Variants in DNM3 observed in about 807,000 individuals in gnomAD.
The protein encoded by DNM3 is dynamin-3.
In DNM3, 47 loss-of-function variants were observed where a neutral mutation model predicts 101.6. The ratio of observed to expected loss-of-function variants is 0.46; its 90% confidence interval spans 0.37 to 0.59. The LOEUF is 0.59. DNM3 is among the 20% of genes least tolerant of loss of function. The pLI, the probability that DNM3 is intolerant of heterozygous loss-of-function variation, is 0.00. For synonymous variants in DNM3, 385 were observed against 387.9 expected, an observed-to-expected ratio of 0.99 and a Z score of 0.09; for missense variants, 849 against 1,085.7, an observed-to-expected ratio of 0.78 and a Z score of 3.06.
At chr1:172,172,422 C>T (rs867867453) in intron 14 of DNM3, among the ~76,000 whole-genome samples, 4 of 151,654 alleles carry the variant, frequency 2.6e-5, no homozygotes, top group East Asian at 1.9e-4. Context: ...AGCATGGATA[C>T]GTCGGACAGA....
chr1:172,046,947 A>G (rs2049857974), intron 9 of DNM3, among the ~76,000 whole-genome samples: 1 of 152,172 alleles, frequency 6.6e-6, no homozygotes, highest in African/African-American at 2.4e-5. Context: ...TAACTGCAAA[A>G]TCTCAGTAAT....
intron 9 of DNM3, among the ~76,000 whole-genome samples, chr1:172,047,394 T>C (rs1329697293): frequency 6.6e-6 from 1 of 152,174 alleles, no homozygotes; most frequent in African/African-American, 2.4e-5. Flanking sequence ...TTGCTTTGCA[T>C]CTGGGCTTTA....
chr1:172,405,081 G>A (rs1332558745), intron 20 of DNM3, among the ~76,000 whole-genome samples: 2 of 151,920 alleles, frequency 1.3e-5, no homozygotes, highest in African/African-American at 4.8e-5. Context: ...TCTGATAAAT[G>A]CCTTAAAAGT....
intron 14 of DNM3, among the ~76,000 whole-genome samples, chr1:172,228,330 A>C (rs866598659): frequency 2.0e-4 from 30 of 152,058 alleles, no homozygotes; most frequent in African/African-American, 6.7e-4. Context: ...GTTGTCCTAA[A>C]ATTATTTGTT....
intron 17 of DNM3, among the ~76,000 whole-genome samples, chr1:172,366,119 G>C (rs981982556): frequency 6.6e-6 from 1 of 151,744 alleles, no homozygotes; most frequent in Non-Finnish European, 1.5e-5. Flanking sequence ...CTGTAACCCT[G>C]CTACTTGGGA....
chr1:172,210,305 G>A (rs961854763), intron 14 of DNM3, among the ~76,000 whole-genome samples: 44 of 136,494 alleles, frequency 3.2e-4, no homozygotes, highest in African/African-American at 1.1e-3. Flanking sequence ...TTAAGAGTAA[G>A]AGAGCGTGCT....
At chr1:172,012,057 C>A (rs2047163895) in intron 4 of DNM3, among the ~76,000 whole-genome samples, 1 of 151,968 alleles carries the variant, frequency 6.6e-6, no homozygotes, top group Admixed American at 6.6e-5. Context: ...CTTTGGTATG[C>A]CAGCTTTTCA....
At chr1:172,325,411 A>G (rs181270942) in intron 17 of DNM3, among the ~76,000 whole-genome samples, 49 of 152,274 alleles carry the variant, frequency 3.2e-4, no homozygotes, top group Admixed American at 1.6e-3. Flanking sequence ...TGGAGGTGCT[A>G]GTATTTATTG....
chr1:172,371,120 T>C (rs1036984711), intron 17 of DNM3, among the ~76,000 whole-genome samples: 1 of 152,022 alleles, frequency 6.6e-6, no homozygotes, highest in Non-Finnish European at 1.5e-5. Flanking sequence ...CAGAATTCTC[T>C]TGAATTCTTG....
At chr1:172,056,629 G>T (rs1401184050) in intron 10 of DNM3, among the ~76,000 whole-genome samples, 1 of 151,920 alleles carries the variant, frequency 6.6e-6, no homozygotes, top group South Asian at 2.1e-4. Flanking sequence ...TGCAGCTGAG[G>T]GTCCTGTCTG....
chr1:172,174,795 G>T (rs2059097401), intron 14 of DNM3, among the ~76,000 whole-genome samples: 1 of 151,534 alleles, frequency 6.6e-6, no homozygotes, highest in Admixed American at 6.6e-5. Context: ...GCTGTTTCAG[G>T]TTTACTCTCT....
chr1:172,041,918 AG>A, intron 7 of DNM3, 90 bp from the exon 8 acceptor site: 1 of 1,419,274 alleles, frequency 7.0e-7, no homozygotes, highest in Non-Finnish European at 9.4e-7. Flanking sequence ...CACCTGGAAA[AG>A]GATTCTAAGG....
intron 14 of DNM3, among the ~76,000 whole-genome samples, chr1:172,245,968 G>A (rs1203622906): frequency 6.6e-6 from 1 of 152,140 alleles, no homozygotes; most frequent in Non-Finnish European, 1.5e-5. Context: ...ATGACTGGGA[G>A]GCCTCAAGAT....
chr1:172,186,487 A>C (rs2059530873), intron 14 of DNM3, among the ~76,000 whole-genome samples: 1 of 152,032 alleles, frequency 6.6e-6, no homozygotes, highest in African/African-American at 2.4e-5. Context: ...ATATAATATA[A>C]AAGGGGAAAT....
chr1:172,051,562 G>A (rs898627275), intron 10 of DNM3, among the ~76,000 whole-genome samples: 1 of 152,274 alleles, frequency 6.6e-6, no homozygotes, highest in Non-Finnish European at 1.5e-5. Flanking sequence ...AAACCTTAAA[G>A]GGCCTGCAGA....
chr1:172,098,685 G>A (rs2054421126), intron 13 of DNM3, among the ~76,000 whole-genome samples: 1 of 152,186 alleles, frequency 6.6e-6, no homozygotes, highest in Non-Finnish European at 1.5e-5. Flanking sequence ...AAAGACAGGT[G>A]TAAGAAATTA....
intron 15 of DNM3, among the ~76,000 whole-genome samples, chr1:172,279,420 C>T (rs1056516441): frequency 6.6e-6 from 1 of 152,072 alleles, no homozygotes; most frequent in Non-Finnish European, 1.5e-5. Context: ...TTGCTGTTGT[C>T]AATATCATCA....
intron 10 of DNM3, among the ~76,000 whole-genome samples, chr1:172,067,523 C>T (rs918292676): frequency 1.3e-5 from 2 of 152,110 alleles, no homozygotes; most frequent in African/African-American, 4.8e-5. Flanking sequence ...CTTTCTTTTA[C>T]TTTTATCGCC....
At chr1:172,053,825 T>G (rs2050379288) in intron 10 of DNM3, among the ~76,000 whole-genome samples, 1 of 152,196 alleles carries the variant, frequency 6.6e-6, no homozygotes, top group African/African-American at 2.4e-5. Context: ...TATCTTTTAT[T>G]TAAAAACTGG....
Sources: allele counts gnomAD v4.1 joint callset (sites outside exome capture counted in the v4.1 genomes callset), GRCh38; gene constraint gnomAD v4.1.1; transcripts MANE v1.5; gene names NCBI Gene and HGNC (gene_info 2026-07-23, HGNC 2026-07-21).